The following CPT1A variants were observed in gnomAD, a reference collection of about 807,000 sequenced individuals.
CPT1A encodes carnitine O-palmitoyltransferase 1, liver isoform.
Under a neutral mutation model 100.8 loss-of-function variants are expected in CPT1A, and 64 were observed. The ratio of observed to expected loss-of-function variants is 0.63; its 90% CI spans 0.52 to 0.78. The LOEUF (loss-of-function observed/expected upper bound fraction) is 0.78. Among genes scored for constraint, CPT1A ranks in the 30% least tolerant of loss-of-function variants. The probability of loss-of-function intolerance (pLI) is 0.00; values close to 1 mark genes in which losing one functional copy is unlikely to be tolerated. For missense variants in CPT1A, 802 were observed against 1,034.1 expected (o/e 0.78, Z 3.08); for synonymous variants, 363 against 396.0 (o/e 0.92, Z 0.99).
At chr11:68,775,611 C>G (rs1356485560) in intron 12 of CPT1A, among the ~76,000 whole-genome samples, 179 bp from the exon 13 acceptor site, 1 of 152,190 alleles carries the variant, frequency 6.6e-6, no homozygotes, top group Non-Finnish European at 1.5e-5. Flanking sequence ...TCAGATGTGA[C>G]AGAGAGAGGA....
At chr11:68,822,916 C>T (rs190592877) in intron 1 of CPT1A, among the ~76,000 whole-genome samples, 184 of 152,090 alleles carry the variant, frequency 1.2e-3, no homozygotes, top group Admixed American at 5.7e-3. Context: ...TAGTGGTTGC[C>T]GGGGGCTTGG....
intron 16 of CPT1A, 80 bp from the exon 17 acceptor site, chr11:68,760,418 G>A: frequency 1.8e-6 from 2 of 1,115,616 alleles, no homozygotes; most frequent in Non-Finnish European, 2.7e-6. Context: ...GACGAGAAAA[G>A]CCTGGCTTGG....
chr11:68,777,891 C>G (rs1383794724), intron 12 of CPT1A, among the ~76,000 whole-genome samples: 2 of 152,156 alleles, frequency 1.3e-5, no homozygotes, highest in African/African-American at 4.8e-5. Flanking sequence ...TAAAGCGTGC[C>G]TTCTTGCTAC....
intron 14 of CPT1A, among the ~76,000 whole-genome samples, chr11:68,764,570 G>A (rs1172099486): frequency 1.3e-5 from 2 of 152,110 alleles, no homozygotes; most frequent in Non-Finnish European, 1.5e-5. Context: ...GCTGGGGAAC[G>A]GAGAGTCAGA....
At chr11:68,777,152 G>A (rs1035886136) in intron 12 of CPT1A, among the ~76,000 whole-genome samples, 1 of 152,160 alleles carries the variant, frequency 6.6e-6, no homozygotes, top group African/African-American at 2.4e-5. Flanking sequence ...GAGCAAGACC[G>A]GGTGTGGTGG....
rs181280520 is a variant in CPT1A, at chr11:68,841,172, C to T, written c.-14+603G>A. On this transcript the variant is annotated intron_variant, in intron 1 of 18. Coordinates refer to ENST00000265641, the MANE Select transcript of CPT1A (RefSeq NM_001876.4). This position sits in a 1 kb window ranked among gnomAD's most constrained non-coding sequence, Gnocchi z 6.3. ...CCTGCCGAATCCCGAGGGCCGAGCA[C>T]CCCTCCCTCAGCCGCACTGCACCTG... Among the ~76,000 whole-genome samples the T allele has an allele frequency of 0.01, 1,584 of 150,928 alleles. 29 individuals are homozygous for T. Among genetic ancestry groups the T allele is most frequent in the African/African-American group, 0.037 (1,504 of 41,050 alleles).
intron 14 of CPT1A, among the ~76,000 whole-genome samples, chr11:68,764,182 G>A (rs1283646460): frequency 6.6e-6 from 1 of 152,186 alleles, no homozygotes; most frequent in East Asian, 1.9e-4. Context: ...GCGGCTGTGG[G>A]AGGAACAGCA....
At chr11:68,807,104 G>A (rs1418905478) in intron 4 of CPT1A, among the ~76,000 whole-genome samples, 2 of 152,230 alleles carry the variant, frequency 1.3e-5, no homozygotes, top group South Asian at 2.1e-4. Context: ...TCTGAGTCAC[G>A]GGAGCCTGTC....
At position 68,807,526 on chromosome 11, in the gene CPT1A, A is replaced by G; in HGVS notation, c.394T>C (p.Tyr132His). The change falls in exon 4 of 19, where the codon TAC becomes CAC. Residue 132 changes from tyrosine to histidine, a missense_variant. Tyr to His is a moderately conservative substitution (Grantham distance 83). Around this residue, in one of 4 missense-constraint regions of CPT1A, gnomAD observed 161 missense variants for 183.7 expected, o/e 0.88. Coordinates refer to ENST00000265641, the MANE Select transcript of CPT1A (RefSeq NM_001876.4). Reference protein sequence around the residue: ...MRYSLKVLLSYHGWMFTEHGK... With the variant: ...MRYSLKVLLSHHGWMFTEHGK... ...TGCTCAGTGAACATCCACCCGTGGT[A>G]GGAGAGCAGCACTTTCAGGGAGTAG... The G allele has an allele frequency of 1.2e-6, 2 of 1,614,198 alleles. No homozygotes were observed. Among genetic ancestry groups the G allele is most frequent in the Non-Finnish European group, 8.5e-7 (1 of 1,180,032 alleles).
In CPT1A at chr11:68,756,561, G is replaced by A. The variant is rs1946698099; in HGVS notation, c.*1083C>T. ...GAAGGCCATCCCTTGGGGTCGTGGA[G>A]CCACTCTCTCCTCACCACGGTGGGC... On this transcript the variant is annotated 3_prime_UTR_variant, in exon 19 of 19. Coordinates refer to ENST00000265641, the MANE Select transcript of CPT1A (RefSeq NM_001876.4). 6.6e-6 allele frequency: 1 copy of A among 152,178 alleles called. No homozygotes were observed. The highest frequency in any genetic ancestry group is 6.5e-5 in the Admixed American group (1 of 15,272). The allele number at this position is 152,178 out of a possible 1,614,324, so 9.4% of individuals were successfully genotyped here.
chr11:68,794,027 G>C (rs1439900044), intron 8 of CPT1A, among the ~76,000 whole-genome samples: 1 of 152,160 alleles, frequency 6.6e-6, no homozygotes, highest in African/African-American at 2.4e-5. Context: ...GAGCAACTAA[G>C]CAGCTAGTAT....
chr11:68,791,499 A>G (rs1263128137), intron 9 of CPT1A, among the ~76,000 whole-genome samples: 1 of 152,240 alleles, frequency 6.6e-6, no homozygotes, highest in Non-Finnish European at 1.5e-5. Context: ...GGGTTTAGCC[A>G]GAAACACTGT....
intron 13 of CPT1A, chr11:68,773,643 T>A: frequency 1.4e-6 from 1 of 722,138 alleles, no homozygotes; most frequent in Non-Finnish European, 2.2e-6. Context: ...GTAGCGGGTC[T>A]GACATGAGCA....
intron 6 of CPT1A, 109 bp downstream of exon 6, chr11:68,799,109 G>T: frequency 1.0e-6 from 1 of 994,012 alleles, no homozygotes; most frequent in Non-Finnish European, 1.6e-6. Context: ...CCTAGGGTGT[G>T]ATTTTGGCTA....
chr11:68,797,361 C>T (rs976293515), intron 6 of CPT1A, among the ~76,000 whole-genome samples: 2 of 152,124 alleles, frequency 1.3e-5, no homozygotes, highest in African/African-American at 2.4e-5. Flanking sequence ...TGTCTGACTG[C>T]TAACATGTTT....
At chr11:68,838,484 T>A (rs1857067362) in intron 1 of CPT1A, among the ~76,000 whole-genome samples, 1 of 143,876 alleles carries the variant, frequency 7.0e-6, no homozygotes, top group African/African-American at 2.6e-5. Context: ...ACATATCCTG[T>A]ACATGTCGTC....
chr11:68,839,480 A>G (rs1857108053), intron 1 of CPT1A: 5 of 983,910 alleles, frequency 5.1e-6, no homozygotes, highest in Non-Finnish European at 6.0e-6. Context: ...CCGTGCCCAC[A>G]GAGACCTTCC....
intron 1 of CPT1A, among the ~76,000 whole-genome samples, chr11:68,826,162 G>T (rs1432557606): frequency 6.6e-6 from 1 of 152,188 alleles, no homozygotes; most frequent in Non-Finnish European, 1.5e-5. Context: ...AAGCCAACCT[G>T]AGGCCGGGCA....
Position 68,757,565 on chromosome 11 carries a change from T to C in CPT1A, c.*79A>G. ...TTAAGAGCAGTGTTTCATCCCGAGC[T>C]AAGGTCAGGATTAATGCCTATTTTT... On this transcript the variant is annotated 3_prime_UTR_variant, in exon 19 of 19. Transcript: ENST00000265641. 6.2e-7 allele frequency: 1 copy of C among 1,609,736 alleles called. No homozygotes were observed. Among genetic ancestry groups the C allele is most frequent in the Non-Finnish European group, 8.5e-7 (1 of 1,178,090 alleles).
Sources: allele counts gnomAD v4.1 joint callset (sites outside exome capture counted in the v4.1 genomes callset), GRCh38; gene constraint gnomAD v4.1.1; regional missense constraint gnomAD v4.1.1; non-coding constraint Gnocchi (gnomAD v3.1); transcripts MANE v1.5; gene names NCBI Gene and HGNC (gene_info 2026-07-23, HGNC 2026-07-21).